The following FAN1 variants were observed in gnomAD, a reference collection of about 807,000 sequenced individuals.
The protein encoded by FAN1 is FANCD2 and FANCI associated nuclease 1.
FAN1 carries 91 observed loss-of-function variants against 104.9 expected under a neutral mutation model. The ratio of observed to expected loss-of-function variants is 0.87; its 90% CI spans 0.73 to 1.03. The LOEUF is 1.03. Among genes scored for constraint, FAN1 ranks in the 50% least tolerant of loss-of-function variants. The probability of loss-of-function intolerance (pLI) is 0.00; values close to 1 mark genes in which losing one functional copy is unlikely to be tolerated. For missense variants in FAN1, 1,263 were observed against 1,239.9 expected (o/e 1.02, Z -0.28); for synonymous variants, 478 against 457.6 (o/e 1.04, Z -0.57).
At position 30,904,392 on chromosome 15, in the gene FAN1, C is replaced by A. The variant is rs566146851; in HGVS notation, c.-152-120C>A. The stretch of plus-strand genomic sequence containing the variant: ...TTGTCGGAGGGGCTTGGTCTTCTGT[C>A]TCACGCTCAGGGTTGTCTCCTCGTT... On this transcript the variant is annotated intron_variant, in intron 1 of 14. Transcript: ENST00000362065. 11 of 540,246 alleles carry A rather than the reference C, an allele frequency of 2.0e-5. No homozygotes were observed. In the South Asian group the frequency reaches 2.1e-4, roughly 10 times the overall value. 33.5% of individuals were successfully genotyped at this position (540,246 alleles called of 1,614,324 possible).
intron 5 of FAN1, among the ~76,000 whole-genome samples, chr15:30,915,547 T>A (rs1372708638): frequency 6.9e-6 from 1 of 145,558 alleles, no homozygotes; most frequent in African/African-American, 2.8e-5. Flanking sequence ...GGCAGGAGGG[T>A]CACTTGAGTC....
chr15:30,937,957 A>T (rs537583388), intron 14 of FAN1, among the ~76,000 whole-genome samples: 1 of 151,324 alleles, frequency 6.6e-6, no homozygotes, highest in Admixed American at 6.6e-5. Flanking sequence ...TGAGCGAGGC[A>T]GGCGCATCAT....
intron 13 of FAN1, among the ~76,000 whole-genome samples, chr15:30,936,340 G>A (rs2140969731): frequency 6.6e-6 from 1 of 152,278 alleles, no homozygotes; most frequent in Admixed American, 6.5e-5. Context: ...GTCCCAGGCA[G>A]CGGGAACAGC....
intron 14 of FAN1, chr15:30,940,086 AG>A: frequency 2.0e-6 from 2 of 983,786 alleles, no homozygotes; most frequent in Non-Finnish European, 2.4e-6. Flanking sequence ...TAAGCTAACT[AG>A]ACACTTTACT....
intron 13 of FAN1, among the ~76,000 whole-genome samples, chr15:30,931,851 T>C (rs1033315434): frequency 2.6e-5 from 4 of 152,146 alleles, no homozygotes; most frequent in African/African-American, 9.7e-5. Context: ...TATAATGACT[T>C]GTTTTTCAAA....
intron 4 of FAN1, among the ~76,000 whole-genome samples, chr15:30,913,147 G>A (rs570961211): frequency 2.3e-4 from 35 of 152,318 alleles, no homozygotes; most frequent in Non-Finnish European, 4.6e-4. Context: ...GAGCATGACC[G>A]CCTGAGCTTT....
Position 30,911,151 on chromosome 15 carries a change from GT to G in FAN1, c.1577+341del, listed in dbSNP as rs2062092853. ...ACTATTTAGTCAAATTTTTATTTTA[GT>G]TTTTGTTTACTAAACAAAGTATAAT... is the stretch of plus-strand genomic sequence containing the variant. On this transcript the variant is annotated intron_variant, in intron 4 of 14. Coordinates refer to ENST00000362065, the MANE Select transcript of FAN1 (RefSeq NM_014967.5). 4 of 1,055,596 alleles carry G rather than the reference GT, an allele frequency of 3.8e-6. No individual in the cohort carries two copies. The South Asian group carries it at 1.8e-4, about 48-fold the overall frequency. The allele number at this position is 1,055,596 out of a possible 1,614,324, so 65.4% of individuals were successfully genotyped here.
Position 30,914,059 on chromosome 15 carries a change from C to A in FAN1, c.1779C>A (p.Thr593=), listed in dbSNP as rs771904645. The A allele has an allele frequency of 6.2e-7, 1 of 1,613,910 alleles. No individual in the cohort carries two copies. Residue 593 remains threonine (T), a synonymous_variant, in exon 5 of 15, where the codon ACC becomes ACA. Transcript: ENST00000362065. The part of the protein sequence containing the change: ...EFPSYTINRK[T]HIFQDRDDLI... ...CTAGTTACACCATCAATCGGAAAAC[C>A]CACATCTTCCAAGACAGAGATGATC...
intron 2 of FAN1, chr15:30,906,349 C>T (rs75062651): frequency 6.5e-6 from 3 of 458,042 alleles, no homozygotes; most frequent in Admixed American, 2.3e-5. Flanking sequence ...GGCATATTTT[C>T]TTTCTCCCAA....
At chr15:30,911,703 T>A in intron 4 of FAN1, 1 of 906,430 alleles carries the variant, frequency 1.1e-6, no homozygotes, top group Middle Eastern at 5.8e-4. Context: ...CTTTATCTAA[T>A]TGTATTTCTT....
At chr15:30,910,076 A>G (rs1391328214) in intron 3 of FAN1, among the ~76,000 whole-genome samples, 1 of 152,214 alleles carries the variant, frequency 6.6e-6, no homozygotes, top group African/African-American at 2.4e-5. Flanking sequence ...TGAATGGAGG[A>G]AGAAGGCACT....
chr15:30,936,887 CAG>C (rs2062869961), intron 13 of FAN1, among the ~76,000 whole-genome samples: 2 of 152,166 alleles, frequency 1.3e-5, no homozygotes, highest in African/African-American at 4.8e-5. Context: ...GATCAACACT[CAG>C]AGTATGGTTT....
chr15:30,931,713 TCAA>T (rs371703493), intron 13 of FAN1, among the ~76,000 whole-genome samples: 126 of 152,322 alleles, frequency 8.3e-4, no homozygotes, highest in African/African-American at 3.0e-3. Context: ...TGTATCTTTG[TCAA>T]AAATCAGTAA....
At position 30,905,615 on chromosome 15, in the gene FAN1, G is replaced by C. The variant is rs1385879736; in HGVS notation, c.952G>C (p.Asp318His). ...TTCAGAAGCTAAAATACAGCTGTCA[G>C]ATTCAGAGGCAAAATCTCATAGTTC... ...VASEAKIQLSDSEAKSHSSAD... is the reference protein window; with the variant it reads ...VASEAKIQLSHSEAKSHSSAD... Residue 318 changes from aspartate to histidine, a missense_variant, in exon 2 of 15, where the codon GAT (aspartate) becomes CAT (histidine). By Grantham distance (81) the Asp-to-His change is moderately conservative. Around this residue, in one of 2 missense-constraint regions of FAN1, gnomAD observed 682 missense variants for 571.1 expected, o/e 1.19. Coordinates refer to ENST00000362065, the MANE Select transcript of FAN1 (RefSeq NM_014967.5). 2 of 1,613,972 alleles carry C rather than the reference G, an allele frequency of 1.2e-6. No individual in the cohort carries two copies. The highest frequency in any genetic ancestry group is 1.3e-5 in the African/African-American group (1 of 74,926).
At position 30,905,841 on chromosome 15, in the gene FAN1, T is replaced by TG. The variant is rs1418255777; in HGVS notation, c.1179dup (p.Leu394ValfsTer4). ...ACCGTACTTGAGAATGAAGATGATA[T>TG]GTTGCTCTTTGATGAGCAGGAGAAG... On this transcript the variant is annotated frameshift_variant, in exon 2 of 15. Coordinates refer to ENST00000362065, the MANE Select transcript of FAN1 (RefSeq NM_014967.5). LOFTEE classifies it high-confidence loss of function. The TG allele has an allele frequency of 6.2e-7, 1 of 1,613,994 alleles. No individual in the cohort carries two copies. The highest frequency in any genetic ancestry group is 2.2e-5 in the East Asian group (1 of 44,900).
rs748375851 is a variant in FAN1, at chr15:30,905,664, G to A, written c.1001G>A (p.Ser334Asn). 8.1e-6 allele frequency: 13 copies of A among 1,613,994 alleles called. No individual in the cohort carries two copies. In the South Asian group the frequency reaches 1.4e-4, roughly 18 times the overall value. The part of the protein sequence containing the change: ...HSSADDASAW[S>N]NIQEAPLQDD... ...TCTGCAGATGATGCTTCTGCATGGA[G>A]TAACATCCAAGAGGCTCCTCTGCAG... Residue 334 changes from serine (S) to asparagine (N), a missense_variant, in exon 2 of 15, where the codon AGT becomes AAT. Physicochemically the swap from Ser to Asn is conservative, Grantham distance 46. Transcript: ENST00000362065.
At chr15:30,930,783 GC>G in intron 13 of FAN1, 112 bp downstream of exon 13, 2 of 1,369,152 alleles carry the variant, frequency 1.5e-6, no homozygotes, top group Non-Finnish European at 2.1e-6. Flanking sequence ...TTCCTTGAGA[GC>G]TTTTGGGCCG....
Position 30,942,100 on chromosome 15 carries a change from CG to C in FAN1, c.*542del. On this transcript the variant is annotated 3_prime_UTR_variant, in exon 15 of 15. Coordinates refer to ENST00000362065, the MANE Select transcript of FAN1 (RefSeq NM_014967.5). The stretch of plus-strand genomic sequence containing the variant: ...ATACAGAAGAGATTTTATTATGTTC[CG>C]GGGATTCCCTTTTTAGAAAGATTGA... The C allele has an allele frequency of 6.3e-7, 1 of 1,578,930 alleles. No homozygotes were observed. The highest frequency in any genetic ancestry group is 8.6e-7 in the Non-Finnish European group (1 of 1,162,104).
Position 30,905,620 on chromosome 15 carries a change from A to T in FAN1, c.957A>T (p.Ser319=). Residue 319 remains serine, a synonymous_variant, in exon 2 of 15, where the codon TCA becomes TCT. Transcript: ENST00000362065. ...AAGCTAAAATACAGCTGTCAGATTC[A>T]GAGGCAAAATCTCATAGTTCTGCAG... ...ASEAKIQLSD[S]EAKSHSSADD... The T allele has an allele frequency of 1.2e-6, 2 of 1,614,138 alleles. No homozygotes were observed. The highest frequency in any genetic ancestry group is 2.2e-5 in the South Asian group (2 of 91,080).
Sources: gnomAD v4.1 joint callset for allele counts (sites outside exome capture counted in the v4.1 genomes callset) on GRCh38, gnomAD v4.1.1 for gene constraint, gnomAD v4.1.1 regional missense constraint, MANE v1.5 for transcripts, NCBI Gene and HGNC (gene_info 2026-07-23, HGNC 2026-07-21) for gene names.